The following GUSB variants were observed in gnomAD, a reference collection of about 807,000 sequenced individuals.
The protein encoded by GUSB is beta-glucuronidase.
In GUSB, 51 loss-of-function variants were observed where a neutral mutation model predicts 74.6. That is an observed-to-expected ratio of 0.68 (90% CI 0.55 to 0.86). The LOEUF (loss-of-function observed/expected upper bound fraction) is 0.86, where lower values mean the gene tolerates loss of function less well. Ranked by LOEUF, GUSB falls within the 40% of genes least tolerant of loss-of-function variation. The pLI is 0.00. For missense variants in GUSB, 736 were observed against 853.7 expected (o/e 0.86, Z 1.72); for synonymous variants, 360 against 348.3 (o/e 1.03, Z -0.37).
chr7:65,965,523 G>A (rs1790776460), intron 10 of GUSB, among the ~76,000 whole-genome samples: 1 of 152,062 alleles, frequency 6.6e-6, no homozygotes, highest in Admixed American at 6.6e-5. Context: ...TTCCATCATT[G>A]CAAGTTTGTT....
intron 8 of GUSB, 39 bp downstream of exon 8, chr7:65,974,256 C>T: frequency 6.2e-7 from 1 of 1,610,964 alleles, no homozygotes; most frequent in Non-Finnish European, 8.5e-7. Context: ...GCCAGGGTCT[C>T]CTTCCCACTC....
intron 10 of GUSB, among the ~76,000 whole-genome samples, chr7:65,964,806 T>G (rs1790729052): frequency 6.6e-6 from 1 of 152,176 alleles, no homozygotes; most frequent in Admixed American, 6.6e-5. Flanking sequence ...CAGTGGCTCA[T>G]GTCTGTCATC....
intron 9 of GUSB, among the ~76,000 whole-genome samples, chr7:65,969,452 C>T (rs1791055022): frequency 6.6e-6 from 1 of 152,022 alleles, no homozygotes; most frequent in Non-Finnish European, 1.5e-5. Flanking sequence ...AATCACAGCA[C>T]TTTGGGAGGC....
intron 2 of GUSB, 149 bp downstream of exon 2, chr7:65,980,075 C>A: frequency 1.0e-6 from 1 of 959,418 alleles, no homozygotes; most frequent in Non-Finnish European, 1.6e-6. Context: ...ACCTATCCCC[C>A]TATACAGGGC....
At chr7:65,963,526 G>A (rs748607645) in intron 11 of GUSB, among the ~76,000 whole-genome samples, 6 of 152,058 alleles carry the variant, frequency 3.9e-5, no homozygotes, top group Non-Finnish European at 8.8e-5. Context: ...ACAAGACACC[G>A]CAGATGTTAT....
intron 10 of GUSB, among the ~76,000 whole-genome samples, chr7:65,965,163 T>C (rs188482275): frequency 3.3e-5 from 5 of 152,130 alleles, no homozygotes; most frequent in Admixed American, 3.3e-4. Flanking sequence ...GCCAGCACTT[T>C]TGGAGGTCGA....
At chr7:65,971,131 G>T (rs922554604) in intron 8 of GUSB, among the ~76,000 whole-genome samples, 10 of 152,186 alleles carry the variant, frequency 6.6e-5, no homozygotes, top group African/African-American at 2.4e-4. Context: ...TTGACGCCCT[G>T]AAACAGCTCT....
Position 65,979,719 on chromosome 7 carries a change from G to A in GUSB, c.581+8C>T, listed in dbSNP as rs527730129. The A allele has an allele frequency of 7.0e-5, 113 of 1,612,962 alleles. No homozygotes were observed. In the East Asian group the frequency reaches 2.5e-3, roughly 36 times the overall value. ...GGGTGTGTGCAATGGAGGCAGGATG[G>A]TACCCACTTGGAGGTGTCAGTCAGG... On this transcript the variant is annotated splice_region_variant and intron_variant, in intron 3 of 11. Transcript: ENST00000304895.
At position 65,974,798 on chromosome 7, in the gene GUSB, T is replaced by A. The variant is rs1791454703; in HGVS notation, c.1066-94A>T. 1.9e-6 allele frequency: 3 copies of A among 1,556,142 alleles called. No homozygotes were observed. In the East Asian group the frequency reaches 6.7e-5, roughly 35 times the overall value. ...CTGGAGAGCCACCCCATGAGCCCCC[T>A]CTCCATTTGGAGCCATTTGCCTCAT... On this transcript the variant is annotated intron_variant, in intron 6 of 11. Transcript: ENST00000304895.
intron 4 of GUSB, among the ~76,000 whole-genome samples, chr7:65,978,760 G>C (rs1157150020): frequency 2.6e-5 from 4 of 151,358 alleles, no homozygotes; most frequent in Non-Finnish European, 5.9e-5. Context: ...GACAGAGCGA[G>C]ACTCCAGCTC....
At chr7:65,968,243 A>T (rs935888593) in intron 9 of GUSB, among the ~76,000 whole-genome samples, 4 of 151,796 alleles carry the variant, frequency 2.6e-5, no homozygotes, top group African/African-American at 9.7e-5. Context: ...AAAAAAAAAA[A>T]AAAAAAAACC....
At chr7:65,974,815 T>G in intron 6 of GUSB, 104 bp downstream of exon 6, 1 of 1,546,806 alleles carries the variant, frequency 6.5e-7, no homozygotes, top group Non-Finnish European at 8.9e-7. Flanking sequence ...TTGGAGCCAT[T>G]TGCCTCATTG....
chr7:65,964,450 A>AG lies in GUSB; in HGVS notation c.1661dup (p.Leu555SerfsTer5). On this transcript the variant is annotated frameshift_variant, in exon 11 of 12. Coordinates refer to ENST00000304895, the MANE Select transcript of GUSB (RefSeq NM_000181.4). LOFTEE classifies it high-confidence loss of function. ...TCTGGTACTCTTCAGTGAACATCAG[A>AG]GGTGGATCCTAGGATTCAAGGCAAA... is the stretch of plus-strand genomic sequence containing the variant. 1 of 1,610,966 alleles carries AG rather than the reference A, an allele frequency of 6.2e-7. No individual in the cohort carries two copies. Among genetic ancestry groups the AG allele is most frequent in the Non-Finnish European group, 8.5e-7 (1 of 1,179,008 alleles).
chr7:65,980,185 G>GC (rs763605648), intron 2 of GUSB, 39 bp downstream of exon 2: 180 of 727,090 alleles, frequency 2.5e-4, no homozygotes, highest in East Asian at 4.6e-4. Context: ...CAGCAGCCGT[G>GC]CCCCCCCACC....
chr7:65,970,762 G>A lies in GUSB; in HGVS notation c.1392-396C>T, dbSNP rs374389949. 3.9e-4 allele frequency among the ~76,000 whole-genome samples: 59 copies of A among 152,130 alleles called. 1 individual carries two copies. In the South Asian group the frequency reaches 0.01, roughly 26 times the overall value. On this transcript the variant is annotated intron_variant, in intron 8 of 11. Coordinates refer to ENST00000304895, the MANE Select transcript of GUSB (RefSeq NM_000181.4). The stretch of plus-strand genomic sequence containing the variant: ...AAATTAGCCGGGCGTGGTGGCCGGC[G>A]CCTATAGTCTGAGCTACTCAGGAGG...
Position 65,979,767 on chromosome 7 carries a change from GGGTGGTGGGGGTGAGTGTGTT to G in GUSB, c.520_540del (p.Asn174_Thr180del). 6.2e-7 allele frequency: 1 copy of G among 1,613,848 alleles called. No individual in the cohort carries two copies. Among genetic ancestry groups the G allele is most frequent in the Non-Finnish European group, 8.5e-7 (1 of 1,180,022 alleles). Reference sequence around the variant, plus strand: ...AGGTATTGGATGGTCCCTGGTGGCAGGGTGGTGGGGGTGAGTGTGTTGTTGATGGCGATAGTGATTCGGAGC... The same window carrying G: ...AGGTATTGGATGGTCCCTGGTGGCAGGTTGATGGCGATAGTGATTCGGAGC... On this transcript the variant is annotated inframe_deletion, in exon 3 of 12. Transcript: ENST00000304895.
chr7:65,978,923 C>T (rs1241415516), intron 4 of GUSB, among the ~76,000 whole-genome samples: 1 of 152,152 alleles, frequency 6.6e-6, no homozygotes. Context: ...CACACATCAC[C>T]ATCCCTGGCT....
chr7:65,964,447 C>G lies in GUSB; in HGVS notation c.1665G>C (p.Leu555=), dbSNP rs1306913247. ...TTTTCTGGTACTCTTCAGTGAACAT[C>G]AGAGGTGGATCCTAGGATTCAAGGC... ...TIAGFHQDPP[L]MFTEEYQKSL... is the part of the protein sequence containing the mutation. The change falls in exon 11 of 12, where the codon CTG becomes CTC. Residue 555 remains leucine, a synonymous_variant. Coordinates refer to ENST00000304895, the MANE Select transcript of GUSB (RefSeq NM_000181.4). 1 of 1,611,196 alleles carries G rather than the reference C, an allele frequency of 6.2e-7. No individual in the cohort carries two copies. Among genetic ancestry groups the G allele is most frequent in the East Asian group, 2.2e-5 (1 of 44,876 alleles).
Position 65,976,025 on chromosome 7 carries a change from TAC to T in GUSB, c.900_901del (p.Tyr301PhefsTer17). 6 of 1,613,590 alleles carry T rather than the reference TAC, an allele frequency of 3.7e-6. No homozygotes were observed. The highest frequency in any genetic ancestry group is 5.1e-6 in the Non-Finnish European group (6 of 1,179,938). On this transcript the variant is annotated frameshift_variant, in exon 5 of 12. Coordinates refer to ENST00000304895, the MANE Select transcript of GUSB (RefSeq NM_000181.4). LOFTEE classifies it high-confidence loss of function. ...CCAAACCACCATTACCTCCAATGAA[TAC>T]AGATAGGCAGGGCGTTCGTGCATCA...
Sources: allele counts gnomAD v4.1 joint callset (sites outside exome capture counted in the v4.1 genomes callset), GRCh38; gene constraint gnomAD v4.1.1; transcripts MANE v1.5; gene names NCBI Gene and HGNC (gene_info 2026-07-23, HGNC 2026-07-21).